The following KCNQ1 variants were observed in gnomAD, a reference collection of about 807,000 sequenced individuals.
The protein encoded by KCNQ1 is potassium voltage-gated channel subfamily Q member 1.
A neutral mutation model predicts 72.4 loss-of-function variants in KCNQ1; 49 were observed. That is an observed-to-expected ratio of 0.68 (90% CI 0.54 to 0.86). The LOEUF (loss-of-function observed/expected upper bound fraction) is 0.86, where lower values mean the gene tolerates loss of function less well. Ranked by LOEUF, KCNQ1 falls within the 40% of genes least tolerant of loss-of-function variation. The probability of loss-of-function intolerance (pLI) is 0.00; values close to 1 mark genes in which losing one functional copy is unlikely to be tolerated. For missense variants in KCNQ1, 790 were observed against 945.1 expected (o/e 0.84, Z 2.15); for synonymous variants, 450 against 412.6 (o/e 1.09, Z -1.10).
chr11:2,800,521 G>T (rs1350240161), intron 15 of KCNQ1, among the ~76,000 whole-genome samples: 1 of 152,244 alleles, frequency 6.6e-6, no homozygotes, highest in Non-Finnish European at 1.5e-5. Flanking sequence ...CTGCTCTGAG[G>T]CTGTGTAGGG....
At chr11:2,522,199 C>CG (rs150949289) in intron 1 of KCNQ1, among the ~76,000 whole-genome samples, 79,840 of 151,876 alleles carry the variant, frequency 0.53, 22,119 homozygotes, top group Non-Finnish European at 0.63. Flanking sequence ...GCTCATGCAG[C>CG]TCCCCGCCCC....
rs1420801670 is a variant in KCNQ1, at chr11:2,626,569, C to T, written c.1394-35392C>T. ...TTTTTCAGACATTCTTACTCTGTTG[C>T]CCACGCTGGAGTACAGTGGCATTAT... On this transcript the variant is annotated intron_variant, in intron 10 of 15. Transcript: ENST00000155840. This position sits in a 1 kb window ranked among gnomAD's most constrained non-coding sequence, Gnocchi z 4.0. The T allele has an allele frequency of 2.0e-5, 8 of 398,456 alleles. No homozygotes were observed. The highest frequency in any genetic ancestry group is 4.1e-5 in the African/African-American group (2 of 48,608). 24.7% of individuals were successfully genotyped at this position (398,456 alleles called of 1,614,324 possible).
At chr11:2,672,268 C>T in intron 11 of KCNQ1, 1 of 398,654 alleles carries the variant, frequency 2.5e-6, no homozygotes, top group Non-Finnish European at 4.4e-6. Flanking sequence ...TTTTGAACTG[C>T]CCCACGAACC....
chr11:2,724,448 G>A lies in KCNQ1; in HGVS notation c.1515-44396G>A, dbSNP rs1393856793. Among the ~76,000 whole-genome samples the A allele has an allele frequency of 1.3e-5, 2 of 152,162 alleles. No individual in the cohort carries two copies. The highest frequency in any genetic ancestry group is 2.9e-5 in the Non-Finnish European group (2 of 68,024). Reference sequence around the variant, plus strand: ...GAACCCTCCCTGGCAAGCTAACACTGCCCTTGGAGGAAGGAGGGTGGGAGG... The same window carrying A: ...GAACCCTCCCTGGCAAGCTAACACTACCCTTGGAGGAAGGAGGGTGGGAGG... On this transcript the variant is annotated intron_variant, in intron 11 of 15. Transcript: ENST00000155840. This position sits in a 1 kb window ranked among gnomAD's most constrained non-coding sequence, Gnocchi z 6.8.
rs1846775837 is a variant in KCNQ1, at chr11:2,488,363, C to T, written c.387-39565C>T. 6.6e-6 allele frequency among the ~76,000 whole-genome samples: 1 copy of T among 152,162 alleles called. No homozygotes were observed. The highest frequency in any genetic ancestry group is 1.5e-5 in the Non-Finnish European group (1 of 68,032). On this transcript the variant is annotated intron_variant, in intron 1 of 15. Coordinates refer to ENST00000155840, the MANE Select transcript of KCNQ1 (RefSeq NM_000218.3). The surrounding 1 kb of genome is among the most constrained non-coding windows in gnomAD (Gnocchi z 5.1). ...GGCTTTAGTATCAGAGTAATGCTCT[C>T]CTCATAGAATGAGTTAGAAACCTTT...
chr11:2,561,519 C>A (rs762597464), intron 2 of KCNQ1, among the ~76,000 whole-genome samples: 5 of 152,220 alleles, frequency 3.3e-5, no homozygotes, highest in African/African-American at 4.8e-5. Flanking sequence ...TTCGCCCTCC[C>A]CACAGTCCTA....
chr11:2,606,203 A>G (rs901671527), intron 10 of KCNQ1, among the ~76,000 whole-genome samples: 1 of 152,144 alleles, frequency 6.6e-6, no homozygotes, highest in Non-Finnish European at 1.5e-5. Flanking sequence ...AATACAATTG[A>G]TTTTTATATA....
Position 2,645,491 on chromosome 11 carries a change from T to C in KCNQ1, c.1394-16470T>C, listed in dbSNP as rs1415693558. ...CTGTATACCCTGCTGAATGCTCATGTTGGGGCAGCAGCAACTCTATTGCAG... is the reference window on the plus strand; with the variant it reads ...CTGTATACCCTGCTGAATGCTCATGCTGGGGCAGCAGCAACTCTATTGCAG... On this transcript the variant is annotated intron_variant, in intron 10 of 15. Transcript: ENST00000155840. The surrounding 1 kb of genome is among the most constrained non-coding windows in gnomAD (Gnocchi z 5.8). 2 of 398,632 alleles carry C rather than the reference T, an allele frequency of 5.0e-6. No homozygotes were observed. Among genetic ancestry groups the C allele is most frequent in the Non-Finnish European group, 8.8e-6 (2 of 226,178 alleles). The allele number at this position is 398,632 out of a possible 1,614,324, so 24.7% of individuals were successfully genotyped here.
intron 11 of KCNQ1, chr11:2,665,559 A>G: frequency 2.5e-6 from 1 of 394,014 alleles, no homozygotes; most frequent in Admixed American, 4.5e-5. Flanking sequence ...CAGCCACCAG[A>G]TTTCCATTCA....
At position 2,608,604 on chromosome 11, in the gene KCNQ1, G is replaced by T. The variant is rs1208215611; in HGVS notation, c.1393+19750G>T. On this transcript the variant is annotated intron_variant, in intron 10 of 15. Transcript: ENST00000155840. This position sits in a 1 kb window ranked among gnomAD's most constrained non-coding sequence, Gnocchi z 4.6. ...GATCCTTGCCCCTTAGCCTATGACA[G>T]GTGTGCACCACAACACCAGCTGTTA... 23 of 398,334 alleles carry T rather than the reference G, an allele frequency of 5.8e-5. No individual in the cohort carries two copies. Among genetic ancestry groups the T allele is most frequent in the Non-Finnish European group, 9.7e-5 (22 of 226,064 alleles). 24.7% of individuals were successfully genotyped at this position (398,334 alleles called of 1,614,324 possible).
chr11:2,610,399 A>G (rs1180219749), intron 10 of KCNQ1: 1 of 398,338 alleles, frequency 2.5e-6, no homozygotes, highest in Admixed American at 4.4e-5. Flanking sequence ...GAGCAAGTAT[A>G]TATTTCTAGT....
intron 1 of KCNQ1, among the ~76,000 whole-genome samples, chr11:2,524,882 C>T (rs990071482): frequency 3.3e-5 from 5 of 152,170 alleles, no homozygotes; most frequent in Non-Finnish European, 5.9e-5. Flanking sequence ...CCTCTCTGCA[C>T]GCCGTGGGCC....
In KCNQ1 at chr11:2,613,978, C is replaced by T. The variant is rs917216700; in HGVS notation, c.1393+25124C>T. 5.0e-6 allele frequency: 2 copies of T among 398,482 alleles called. No individual in the cohort carries two copies. Among genetic ancestry groups the T allele is most frequent in the African/African-American group, 4.1e-5 (2 of 48,624 alleles). 24.7% of individuals were successfully genotyped at this position (398,482 alleles called of 1,614,324 possible). A position where few individuals can be genotyped will look rare whatever the true frequency, so the allele number is the denominator to read the frequency against. On this transcript the variant is annotated intron_variant, in intron 10 of 15. Coordinates refer to ENST00000155840, the MANE Select transcript of KCNQ1 (RefSeq NM_000218.3). The surrounding 1 kb of genome is among the most constrained non-coding windows in gnomAD (Gnocchi z 4.8). ...ACATCTCCTAGAAATCACTCAACAT[C>T]CATTCACAGAGATCTTTCTCATTGC...
intron 2 of KCNQ1, among the ~76,000 whole-genome samples, chr11:2,530,246 C>T (rs1847596213): frequency 6.6e-6 from 1 of 152,234 alleles, no homozygotes; most frequent in African/African-American, 2.4e-5. Context: ...CACCACAGAC[C>T]TGGCTCTCAG....
chr11:2,479,277 T>C lies in KCNQ1; in HGVS notation c.386+33793T>C, dbSNP rs899714229. On this transcript the variant is annotated intron_variant, in intron 1 of 15. Transcript: ENST00000155840. This position sits in a 1 kb window ranked among gnomAD's most constrained non-coding sequence, Gnocchi z 4.6. Reference sequence around the variant, plus strand: ...CTAGGCAGTGCCCCAGTGGGGACTTTGCATGGGGGCTCCAACCCCACTTTT... The same window carrying C: ...CTAGGCAGTGCCCCAGTGGGGACTTCGCATGGGGGCTCCAACCCCACTTTT... Among the ~76,000 whole-genome samples the C allele has an allele frequency of 6.6e-5, 10 of 152,206 alleles. No homozygotes were observed. The highest frequency in any genetic ancestry group is 2.2e-4 in the African/African-American group (9 of 41,462).
At chr11:2,797,585 C>T (rs1165873254) in intron 15 of KCNQ1, among the ~76,000 whole-genome samples, 2 of 152,120 alleles carry the variant, frequency 1.3e-5, no homozygotes, top group South Asian at 2.1e-4. Flanking sequence ...AGGGCCCTTT[C>T]CCCACTAGCA....
chr11:2,511,848 A>G (rs1172175617), intron 1 of KCNQ1, among the ~76,000 whole-genome samples: 1 of 152,126 alleles, frequency 6.6e-6, no homozygotes, highest in Non-Finnish European at 1.5e-5. Flanking sequence ...GGGCCCCTCA[A>G]TCTGCCCTGT....
At chr11:2,521,602 G>A (rs1389242570) in intron 1 of KCNQ1, 1 of 463,142 alleles carries the variant, frequency 2.2e-6, no homozygotes, top group South Asian at 1.6e-5. Context: ...CTTCCAGCTG[G>A]AGTTCTAAGG....
At chr11:2,731,703 C>T (rs993700469) in intron 11 of KCNQ1, among the ~76,000 whole-genome samples, 9 of 152,216 alleles carry the variant, frequency 5.9e-5, no homozygotes, top group Admixed American at 2.6e-4. Flanking sequence ...CAGAGAAAGG[C>T]GCCTGAAGCA....
Sources: allele counts gnomAD v4.1 joint callset (sites outside exome capture counted in the v4.1 genomes callset), GRCh38; gene constraint gnomAD v4.1.1; non-coding constraint Gnocchi (gnomAD v3.1); transcripts MANE v1.5; gene names NCBI Gene and HGNC (gene_info 2026-07-23, HGNC 2026-07-21).